OXR1: variants seen among roughly 807,000 people sequenced by gnomAD.
OXR1 encodes the protein oxidation resistance 1.
OXR1 carries 41 observed loss-of-function variants against 104.6 expected under a neutral mutation model. The observed-to-expected ratio is 0.39, with a 90% confidence interval of 0.31 to 0.51. OXR1 has a LOEUF of 0.51. OXR1 is among the 20% of genes least tolerant of loss of function. The pLI is 0.77. For missense variants in OXR1, 955 were observed against 1,031.9 expected, an observed-to-expected ratio of 0.93 and a Z score of 1.02; for synonymous variants, 348 against 348.4, an observed-to-expected ratio of 1.00 and a Z score of 0.01.
intron 1 of OXR1, among the ~76,000 whole-genome samples, chr8:106,302,116 C>G (rs377764694): frequency 6.6e-6 from 1 of 152,182 alleles, no homozygotes. Flanking sequence ...ATAAAGAGTT[C>G]ATGGCCATCT....
intron 2 of OXR1, among the ~76,000 whole-genome samples, chr8:106,383,975 A>G (rs1817264408): frequency 6.6e-6 from 1 of 152,204 alleles, no homozygotes; most frequent in Admixed American, 6.5e-5. Context: ...TATACCTATT[A>G]CAAAAGGTAG....
chr8:106,458,988 A>G (rs1820759569), intron 2 of OXR1, among the ~76,000 whole-genome samples: 1 of 152,146 alleles, frequency 6.6e-6, no homozygotes. Flanking sequence ...TCTGATTTAG[A>G]TGAGACTCTG....
chr8:106,571,311 T>C (rs943501367), intron 3 of OXR1, among the ~76,000 whole-genome samples: 2 of 152,202 alleles, frequency 1.3e-5, no homozygotes, highest in African/African-American at 4.8e-5. Context: ...GCTCTCTTCC[T>C]GGCTTGTAGA....
At chr8:106,522,527 T>C (rs148497684) in intron 3 of OXR1, among the ~76,000 whole-genome samples, 1 of 152,208 alleles carries the variant, frequency 6.6e-6, no homozygotes, top group East Asian at 1.9e-4. Flanking sequence ...GGCTGTATAA[T>C]AAAATTCCAT....
intron 10 of OXR1, 143 bp from the exon 11 acceptor site, chr8:106,713,680 G>A (rs1831941097): frequency 2.1e-6 from 1 of 479,970 alleles, no homozygotes. Flanking sequence ...CTTCCTGATA[G>A]TAGACCTTTT....
chr8:106,435,470 G>A (rs1462642096), intron 2 of OXR1, among the ~76,000 whole-genome samples: 1 of 152,122 alleles, frequency 6.6e-6, no homozygotes, highest in Non-Finnish European at 1.5e-5. Flanking sequence ...TGAAAGGCAC[G>A]TGCCTGTTCC....
chr8:106,281,975 T>C (rs1190712169), intron 1 of OXR1, among the ~76,000 whole-genome samples: 1 of 152,142 alleles, frequency 6.6e-6, no homozygotes, highest in Non-Finnish European at 1.5e-5. Flanking sequence ...ACTACTGATT[T>C]ATATGCTATA....
At chr8:106,428,131 A>G (rs1161166880) in intron 2 of OXR1, among the ~76,000 whole-genome samples, 1 of 152,178 alleles carries the variant, frequency 6.6e-6, no homozygotes, top group Non-Finnish European at 1.5e-5. Flanking sequence ...TTTTCCTCAC[A>G]TAAGAAGAAA....
intron 11 of OXR1, among the ~76,000 whole-genome samples, chr8:106,728,928 AT>A (rs1301390932): frequency 6.6e-6 from 1 of 152,140 alleles, no homozygotes; most frequent in Admixed American, 6.5e-5. Flanking sequence ...CTTTTTTTAA[AT>A]TTAGGCTTTC....
chr8:106,444,704 G>A (rs1428730039), intron 2 of OXR1, among the ~76,000 whole-genome samples: 1 of 152,028 alleles, frequency 6.6e-6, no homozygotes, highest in Non-Finnish European at 1.5e-5. Context: ...GGGGTGAGGG[G>A]CAGGAACTTA....
At chr8:106,672,320 A>G (rs10087077) in intron 3 of OXR1, among the ~76,000 whole-genome samples, 18,437 of 132,252 alleles carry the variant, frequency 0.14, 1,415 homozygotes, top group East Asian at 0.35. Context: ...TCTACTAAAA[A>G]TGAAAAAAAA....
chr8:106,378,544 T>C (rs1200299434), intron 2 of OXR1, among the ~76,000 whole-genome samples: 1 of 152,188 alleles, frequency 6.6e-6, no homozygotes, highest in African/African-American at 2.4e-5. Context: ...AGTTTCACTG[T>C]TGTTGCCCAG....
At chr8:106,666,397 T>C (rs1380966125) in intron 3 of OXR1, among the ~76,000 whole-genome samples, 1 of 152,226 alleles carries the variant, frequency 6.6e-6, no homozygotes, top group Admixed American at 6.5e-5. Context: ...GAAAATTGGA[T>C]TCAGGATTCT....
At chr8:106,582,737 G>T (rs906968685) in intron 3 of OXR1, among the ~76,000 whole-genome samples, 1 of 152,026 alleles carries the variant, frequency 6.6e-6, no homozygotes, top group Admixed American at 6.6e-5. Context: ...AACCACTAAA[G>T]CTTATCACTT....
At chr8:106,653,047 AACTG>A (rs1162389113) in intron 3 of OXR1, among the ~76,000 whole-genome samples, 3 of 147,460 alleles carry the variant, frequency 2.0e-5, no homozygotes, top group East Asian at 4.0e-4. Flanking sequence ...AAACTACCAA[AACTG>A]ACTGACACAA....
intron 3 of OXR1, among the ~76,000 whole-genome samples, chr8:106,658,577 TTTTGG>T (rs1295865093): frequency 2.6e-5 from 4 of 152,170 alleles, no homozygotes; most frequent in Non-Finnish European, 4.4e-5. Context: ...CCTGCTTTGG[TTTTGG>T]TTTGGGTCAG....
intron 3 of OXR1, among the ~76,000 whole-genome samples, chr8:106,619,467 G>T (rs996737110): frequency 6.6e-6 from 1 of 152,120 alleles, no homozygotes; most frequent in Admixed American, 6.5e-5. Flanking sequence ...AAATTATCAA[G>T]TGAAATGTTT....
intron 3 of OXR1, among the ~76,000 whole-genome samples, chr8:106,663,441 A>G (rs1311417960): frequency 6.6e-6 from 1 of 152,248 alleles, no homozygotes. Flanking sequence ...GAAAGATAGT[A>G]AAATGACAGA....
At chr8:106,383,249 A>G (rs1211818042) in intron 2 of OXR1, among the ~76,000 whole-genome samples, 1 of 152,178 alleles carries the variant, frequency 6.6e-6, no homozygotes, top group African/African-American at 2.4e-5. Context: ...TTATAGCATT[A>G]AAGTTGTTTT....
Sources: allele counts gnomAD v4.1 joint callset (sites outside exome capture counted in the v4.1 genomes callset), GRCh38; gene constraint gnomAD v4.1.1; transcripts MANE v1.5; gene names NCBI Gene and HGNC (gene_info 2026-07-23, HGNC 2026-07-21).